ULK1: variants seen among roughly 807,000 people sequenced by gnomAD.
ULK1 encodes the protein unc-51 like autophagy activating kinase 1.
ULK1 carries 48 observed loss-of-function variants against 117.5 expected under a neutral mutation model. That is an observed-to-expected ratio of 0.41 (90% CI 0.32 to 0.52). The LOEUF (loss-of-function observed/expected upper bound fraction) is 0.52, where lower values mean the gene tolerates loss of function less well. Ranked by LOEUF, ULK1 falls within the 20% of genes least tolerant of loss-of-function variation. The pLI is 0.29. For missense variants in ULK1, 1,387 were observed against 1,473.4 expected (o/e 0.94, Z 0.96); for synonymous variants, 790 against 637.8 (o/e 1.24, Z -3.60).
chr12:131,911,576 C>A (rs906195843), intron 12 of ULK1, among the ~76,000 whole-genome samples: 3 of 152,194 alleles, frequency 2.0e-5, no homozygotes, highest in African/African-American at 7.2e-5. Flanking sequence ...GACACGCCTT[C>A]CATGGTACCT....
At chr12:131,914,008 A>G (rs569577661) in intron 15 of ULK1, among the ~76,000 whole-genome samples, 172 bp downstream of exon 15, 1 of 152,290 alleles carries the variant, frequency 6.6e-6, no homozygotes, top group South Asian at 2.1e-4. Flanking sequence ...AAGGGACTAT[A>G]GTGGGAGGAG....
intron 13 of ULK1, 133 bp from the exon 14 acceptor site, chr12:131,913,065 G>A (rs997420442): frequency 5.5e-5 from 44 of 795,104 alleles, no homozygotes; most frequent in South Asian, 6.8e-5. Flanking sequence ...TCTGCCCCCC[G>A]CAAGGCCGCT....
At position 131,907,600 on chromosome 12, in the gene ULK1, G is replaced by C. The variant is rs530840434; in HGVS notation, c.316+69G>C. ...AGGGCCCGCACCCAGGGCCACACTG[G>C]CCCAGTCTGGGAGGCAGCCTGGCTC... On this transcript the variant is annotated intron_variant, in intron 5 of 27. Coordinates refer to ENST00000321867, the MANE Select transcript of ULK1 (RefSeq NM_003565.4). 7 of 1,553,376 alleles carry C rather than the reference G, an allele frequency of 4.5e-6. No individual in the cohort carries two copies. The African/African-American group carries it at 9.6e-5, about 21-fold the overall frequency.
At position 131,911,792 on chromosome 12, in the gene ULK1, G is replaced by A. The variant is rs1047919673; in HGVS notation, c.949-150G>A. 7.1e-5 allele frequency: 77 copies of A among 1,090,164 alleles called. 2 individuals are homozygous for A. In the Admixed American group the frequency reaches 8.6e-4, roughly 12 times the overall value. The allele number at this position is 1,090,164 out of a possible 1,614,324, so 67.5% of individuals were successfully genotyped here. On this transcript the variant is annotated intron_variant, in intron 12 of 27. Transcript: ENST00000321867. ...GTGCTCTGGAAGTACAGAGAAGAGC[G>A]GAGCACAGGAAGAAAGACGTGCCCA... is the stretch of plus-strand genomic sequence containing the variant.
intron 25 of ULK1, 43 bp from the exon 26 acceptor site, chr12:131,919,936 C>G: frequency 6.3e-7 from 1 of 1,596,502 alleles, no homozygotes; most frequent in Non-Finnish European, 8.6e-7. Context: ...AGCCCTGCCC[C>G]GTGTCTGCTG....
intron 1 of ULK1, 129 bp downstream of exon 1, chr12:131,895,241 G>C (rs1888818523): frequency 1.8e-6 from 1 of 562,116 alleles, no homozygotes; most frequent in Non-Finnish European, 2.7e-6. Context: ...TTTCCAGGCC[G>C]ACCCCCACCC....
chr12:131,908,601 G>A, intron 5 of ULK1, 43 bp from the exon 6 acceptor site: 1 of 1,437,112 alleles, frequency 7.0e-7, no homozygotes, highest in Non-Finnish European at 9.1e-7. Flanking sequence ...ACCCCTGGGG[G>A]AGGAAACACG....
chr12:131,917,076 T>TGGGGCTCGGAGGCTGTGGGAC lies in ULK1; in HGVS notation c.2182+34_2182+35insCGGGGCTCGGAGGCTGTGGGA, dbSNP rs781520644. The TGGGGCTCGGAGGCTGTGGGAC allele has an allele frequency of 7.3e-6, 9 of 1,232,622 alleles. No homozygotes were observed. Among genetic ancestry groups the TGGGGCTCGGAGGCTGTGGGAC allele is most frequent in the Non-Finnish European group, 9.7e-6 (9 of 925,594 alleles). 76.4% of individuals were successfully genotyped at this position (1,232,622 alleles called of 1,614,324 possible). A position where few individuals can be genotyped will look rare whatever the true frequency, so the allele number is the denominator to read the frequency against. The stretch of plus-strand genomic sequence containing the variant: ...CCATGGAGATCGGTGTGTGGGTGGG[T>TGGGGCTCGGAGGCTGTGGGAC]GGGGCTCGGAGGCTGTGGGATGGGG... On this transcript the variant is annotated intron_variant, in intron 21 of 27. Transcript: ENST00000321867.
chr12:131,909,378 TC>T, intron 8 of ULK1, 141 bp downstream of exon 8: 1 of 980,552 alleles, frequency 1.0e-6, no homozygotes, highest in Non-Finnish European at 1.4e-6. Flanking sequence ...CGTCCAGGGG[TC>T]CAGTGGGGAA....
intron 3 of ULK1, 42 bp downstream of exon 3, chr12:131,895,866 G>A: frequency 1.2e-6 from 2 of 1,612,566 alleles, no homozygotes; most frequent in Non-Finnish European, 1.7e-6. Context: ...CCGGGCTGGG[G>A]GACTGTGGCC....
At chr12:131,899,977 C>T (rs767743309) in intron 3 of ULK1, among the ~76,000 whole-genome samples, 6 of 152,132 alleles carry the variant, frequency 3.9e-5, no homozygotes, top group South Asian at 2.1e-4. Flanking sequence ...ATTAGCTGGG[C>T]GTGGTGGCCC....
At chr12:131,918,244 G>T in intron 22 of ULK1, 1 of 561,260 alleles carries the variant, frequency 1.8e-6, no homozygotes, top group South Asian at 2.2e-5. Context: ...TACCCAGAGG[G>T]TCCCTTGGTG....
In ULK1 at chr12:131,921,533, C is replaced by T; in HGVS notation, c.*172C>T. ...CTCCCTGCAGCTCACGGGGCAGAAC[C>T]AGCACATCTGGAGCCACACAGCTTG... On this transcript the variant is annotated 3_prime_UTR_variant, in exon 28 of 28. Transcript: ENST00000321867. The T allele has an allele frequency of 1.1e-6, 1 of 933,864 alleles. No individual in the cohort carries two copies. The highest frequency in any genetic ancestry group is 1.5e-5 in the South Asian group (1 of 67,418). The allele number at this position is 933,864 out of a possible 1,614,324, so 57.8% of individuals were successfully genotyped here. A position where few individuals can be genotyped will look rare whatever the true frequency, so the allele number is the denominator to read the frequency against.
At chr12:131,914,285 C>G in intron 15 of ULK1, 67 bp from the exon 16 acceptor site, 2 of 1,576,798 alleles carry the variant, frequency 1.3e-6, no homozygotes, top group Non-Finnish European at 1.7e-6. Flanking sequence ...TCTGGTGCCC[C>G]AGCTCCATGA....
chr12:131,907,873 G>T (rs1015257239), intron 5 of ULK1, among the ~76,000 whole-genome samples: 1 of 152,076 alleles, frequency 6.6e-6, no homozygotes, highest in African/African-American at 2.4e-5. Flanking sequence ...GAGCCCTGTG[G>T]CGGATGGGAG....
At position 131,915,950 on chromosome 12, in the gene ULK1, G is replaced by A. The variant is rs200414567; in HGVS notation, c.1669G>A (p.Ala557Thr). 1.3e-5 allele frequency: 21 copies of A among 1,612,326 alleles called. No homozygotes were observed. Among genetic ancestry groups the A allele is most frequent in the Non-Finnish European group, 1.5e-5 (18 of 1,179,812 alleles). ...CGGGCTGGGCTGCCGCCTGCACAGC[G>A]CCCCCAACCTGTCTGACTTGCACGT... ...TSGLGCRLHS[A>T]PNLSDLHVVR... is the part of the protein sequence containing the mutation. The change falls in exon 19 of 28, where the codon GCC (alanine) becomes ACC (threonine). Residue 557 changes from alanine to threonine, a missense_variant. Ala to Thr is a moderately conservative substitution (Grantham distance 58). Around this residue, in one of 4 missense-constraint regions of ULK1, gnomAD observed 900 missense variants for 858.9 expected, o/e 1.05. Transcript: ENST00000321867.
At chr12:131,917,274 G>T in intron 21 of ULK1, 137 bp from the exon 22 acceptor site, 1 of 682,516 alleles carries the variant, frequency 1.5e-6, no homozygotes, top group Non-Finnish European at 2.0e-6. Context: ...CGGGGGTCGG[G>T]TTCGGCTCGG....
At chr12:131,910,155 C>A (rs1240386988) in intron 10 of ULK1, 99 bp from the exon 11 acceptor site, 1 of 1,576,570 alleles carries the variant, frequency 6.3e-7, no homozygotes, top group African/African-American at 1.4e-5. Flanking sequence ...TCCGCCCGGG[C>A]AGGTGCCCAA....
intron 5 of ULK1, 49 bp downstream of exon 5, chr12:131,907,580 C>G: frequency 1.9e-6 from 3 of 1,589,034 alleles, no homozygotes; most frequent in Non-Finnish European, 2.6e-6. Context: ...CCCACAGGGC[C>G]CGCACCCAGG....
Sources: gnomAD v4.1 joint callset for allele counts (sites outside exome capture counted in the v4.1 genomes callset) on GRCh38, gnomAD v4.1.1 for gene constraint, gnomAD v4.1.1 regional missense constraint, MANE v1.5 for transcripts, NCBI Gene and HGNC (gene_info 2026-07-23, HGNC 2026-07-21) for gene names.